The following FOXP1 variants were observed in gnomAD, a reference collection of about 807,000 sequenced individuals.
FOXP1 encodes forkhead box P1, also known as forkhead box protein P1.
In FOXP1, 15 loss-of-function variants were observed where a neutral mutation model predicts 98.2. That is an observed-to-expected ratio of 0.15 (90% CI 0.10 to 0.24). The LOEUF (loss-of-function observed/expected upper bound fraction) is 0.24, where lower values mean the gene tolerates loss of function less well. Ranked by LOEUF, FOXP1 falls within the 10% of genes least tolerant of loss-of-function variation. FOXP1 has a pLI of 1.00. For synonymous variants in FOXP1, 371 were observed against 314.5 expected, an observed-to-expected ratio of 1.18 and a Z score of -1.90; for missense variants, 633 against 848.5, an observed-to-expected ratio of 0.75 and a Z score of 3.15.
chr3:71,432,513 T>G (rs2084811755), intron 3 of FOXP1, among the ~76,000 whole-genome samples: 1 of 152,094 alleles, frequency 6.6e-6, no homozygotes, highest in Admixed American at 6.6e-5. Flanking sequence ...TCCCTCCCAG[T>G]CTAATAATCT....
chr3:71,544,905 G>C (rs1461329438), intron 2 of FOXP1, among the ~76,000 whole-genome samples: 2 of 151,770 alleles, frequency 1.3e-5, no homozygotes, highest in African/African-American at 4.8e-5. Context: ...AAACAGCTTA[G>C]AAGGCAAAGA....
chr3:71,406,212 T>A (rs1382424832), intron 3 of FOXP1, among the ~76,000 whole-genome samples: 1 of 151,858 alleles, frequency 6.6e-6, no homozygotes, highest in Non-Finnish European at 1.5e-5. Flanking sequence ...ATCTTACAGT[T>A]CTGGAGATCA....
At chr3:71,447,217 C>T (rs1182306913) in intron 3 of FOXP1, among the ~76,000 whole-genome samples, 2 of 152,140 alleles carry the variant, frequency 1.3e-5, no homozygotes, top group Admixed American at 1.3e-4. Flanking sequence ...GCCTGAATAC[C>T]TCTGTCTACA....
At chr3:71,269,989 A>C (rs2070175173) in intron 5 of FOXP1, among the ~76,000 whole-genome samples, 1 of 152,202 alleles carries the variant, frequency 6.6e-6, no homozygotes, top group Admixed American at 6.5e-5. Context: ...TTGCCAAAGC[A>C]CCTAGCAAAG....
chr3:71,318,776 A>C (rs2075227804), intron 4 of FOXP1, among the ~76,000 whole-genome samples: 1 of 152,236 alleles, frequency 6.6e-6, no homozygotes, highest in Non-Finnish European at 1.5e-5. Flanking sequence ...TTCCAGTTAA[A>C]GATAACTTAA....
In FOXP1 at chr3:71,237,058, C is replaced by A. The variant is rs2066849221; in HGVS notation, c.-11-38666G>T. ...ACCAGCCTGACCAACATGGTGAAAC[C>A]CCGCCTCTACTAAAAATACAAAAAT... On this transcript the variant is annotated intron_variant, in intron 5 of 20. Transcript: ENST00000649528. Among the ~76,000 whole-genome samples, 3 of 149,942 alleles carry A rather than the reference C, an allele frequency of 2.0e-5. No individual in the cohort carries two copies. In the South Asian group the frequency reaches 6.4e-4, roughly 32 times the overall value.
intron 20 of FOXP1, 126 bp downstream of exon 20, chr3:70,965,764 C>T: frequency 1.0e-6 from 1 of 993,276 alleles, no homozygotes; most frequent in Non-Finnish European, 1.6e-6. Flanking sequence ...AAACTTCTAG[C>T]TTGGTTCTGG....
intron 3 of FOXP1, among the ~76,000 whole-genome samples, chr3:71,485,995 G>A (rs2090616533): frequency 6.6e-6 from 1 of 152,096 alleles, no homozygotes. Flanking sequence ...ACAAAGACAA[G>A]TATAAACTAC....
At chr3:71,082,130 T>C (rs1018498668) in intron 7 of FOXP1, among the ~76,000 whole-genome samples, 9 of 152,012 alleles carry the variant, frequency 5.9e-5, no homozygotes, top group Non-Finnish European at 8.8e-5. Context: ...AATACAAAAA[T>C]GAGCTGGGCG....
chr3:71,116,169 T>G (rs2058361175), intron 6 of FOXP1, among the ~76,000 whole-genome samples: 1 of 152,210 alleles, frequency 6.6e-6, no homozygotes, highest in Non-Finnish European at 1.5e-5. Context: ...AATTAGCTAC[T>G]GGGATCCTCA....
intron 6 of FOXP1, among the ~76,000 whole-genome samples, chr3:71,159,104 C>CAAA (rs34653634): frequency 7.9e-4 from 62 of 77,994 alleles, no homozygotes; most frequent in African/African-American, 2.7e-3. Context: ...AACCCTATCT[C>CAAA]AAAAAAAAAA....
chr3:71,171,310 C>G (rs993180624), intron 6 of FOXP1, among the ~76,000 whole-genome samples: 1 of 152,096 alleles, frequency 6.6e-6, no homozygotes, highest in African/African-American at 2.4e-5. Flanking sequence ...CCTTCAGAAG[C>G]CTCCATCACA....
chr3:71,057,384 T>C (rs556025321), intron 7 of FOXP1, among the ~76,000 whole-genome samples: 1 of 146,382 alleles, frequency 6.8e-6, no homozygotes, highest in Admixed American at 6.9e-5. Flanking sequence ...ATTTCTGATG[T>C]TTTCTGTGCT....
intron 6 of FOXP1, among the ~76,000 whole-genome samples, chr3:71,138,617 A>G (rs1410336961): frequency 6.6e-6 from 1 of 152,208 alleles, no homozygotes; most frequent in South Asian, 2.1e-4. Flanking sequence ...ACTATCTCTC[A>G]AAAGTGATAC....
In FOXP1 at chr3:71,131,059, A is replaced by AG. The variant is rs1553753128; in HGVS notation, c.181-18423_181-18422insC. 1.1e-3 allele frequency: 390 copies of AG among 341,750 alleles called. 3 individuals carry two copies. Among genetic ancestry groups the AG allele is most frequent in the African/African-American group, 8.3e-3 (375 of 45,106 alleles). The allele number at this position is 341,750 out of a possible 1,614,324, so 21.2% of individuals were successfully genotyped here. ...GGCAGGATGCTTTAAAAGAAAAAAA[A>AG]AAGAAGAAGAAGAAAATTCAGATTT... On this transcript the variant is annotated intron_variant, in intron 6 of 20. Coordinates refer to ENST00000649528, the MANE Select transcript of FOXP1 (RefSeq NM_001349338.3).
At chr3:71,251,828 C>T (rs569380984) in intron 5 of FOXP1, among the ~76,000 whole-genome samples, 10 of 152,304 alleles carry the variant, frequency 6.6e-5, no homozygotes, top group South Asian at 4.1e-4. Flanking sequence ...GTAGGCTCAA[C>T]GTAGACTTTA....
intron 3 of FOXP1, among the ~76,000 whole-genome samples, chr3:71,431,018 A>G (rs916625934): frequency 2.6e-5 from 4 of 152,174 alleles, no homozygotes; most frequent in African/African-American, 9.7e-5. Flanking sequence ...TACTGCAACA[A>G]AGCATTTAGA....
chr3:71,267,124 A>AGTGTGTGT (rs1553808466), intron 5 of FOXP1, among the ~76,000 whole-genome samples: 28 of 148,410 alleles, frequency 1.9e-4, no homozygotes, highest in South Asian at 4.3e-4. Context: ...TATGGGAGAG[A>AGTGTGTGT]GTGTGTGTGT....
intron 6 of FOXP1, among the ~76,000 whole-genome samples, chr3:71,188,614 C>T (rs554098015): frequency 1.3e-5 from 2 of 152,180 alleles, no homozygotes; most frequent in East Asian, 1.9e-4. Context: ...GATGGGGTTT[C>T]GCCATGTTGG....
Sources: gnomAD v4.1 joint callset for allele counts (sites outside exome capture counted in the v4.1 genomes callset) on GRCh38, gnomAD v4.1.1 for gene constraint, MANE v1.5 for transcripts, NCBI Gene and HGNC (gene_info 2026-07-23, HGNC 2026-07-21) for gene names.